CSMD1: variants seen among roughly 807,000 people sequenced by gnomAD.
CSMD1 encodes the protein CUB and sushi domain-containing protein 1.
Under a neutral mutation model 417.5 loss-of-function variants are expected in CSMD1, and 213 were observed. The observed-to-expected ratio is 0.51, with a 90% CI of 0.46 to 0.57. CSMD1 has a LOEUF of 0.57. Ranked by LOEUF, CSMD1 falls within the 20% of genes least tolerant of loss-of-function variation. The pLI, the probability that CSMD1 is intolerant of heterozygous loss-of-function variation, is 0.00. For missense variants in CSMD1, 6,923 were observed against 4,529.7 expected (o/e 1.53, Z -15.17); for synonymous variants, 2,862 against 1,736.8 (o/e 1.65, Z -16.11).
chr8:4,082,228 A>G (rs924863344), intron 3 of CSMD1, among the ~76,000 whole-genome samples: 8 of 152,172 alleles, frequency 5.3e-5, no homozygotes, highest in Non-Finnish European at 1.0e-4. Flanking sequence ...CCACACAGGT[A>G]AAATGGACAA....
chr8:3,716,974 CAAAAAAA>C (rs1797693373), intron 6 of CSMD1, among the ~76,000 whole-genome samples: 1 of 151,788 alleles, frequency 6.6e-6, no homozygotes, highest in African/African-American at 2.4e-5. Context: ...CAATCATTTA[CAAAAAAA>C]TAAAAAATTG....
At chr8:3,287,345 AT>A (rs1803237011) in intron 25 of CSMD1, among the ~76,000 whole-genome samples, 1 of 152,148 alleles carries the variant, frequency 6.6e-6, no homozygotes, top group Admixed American at 6.6e-5. Context: ...GAAGAAAGTC[AT>A]TGGTAACTTG....
chr8:4,785,919 C>T (rs954777970), intron 1 of CSMD1, among the ~76,000 whole-genome samples: 4 of 152,082 alleles, frequency 2.6e-5, no homozygotes, highest in Non-Finnish European at 5.9e-5. Context: ...AAAGACTGAA[C>T]CCTCCTCAGT....
chr8:4,240,711 T>C (rs1802348146), intron 3 of CSMD1, among the ~76,000 whole-genome samples: 1 of 152,210 alleles, frequency 6.6e-6, no homozygotes, highest in Admixed American at 6.5e-5. Context: ...ATTTAAAAAA[T>C]GCAGTTGATG....
chr8:3,393,567 T>A lies in CSMD1; in HGVS notation c.2593+2627A>T, dbSNP rs139691194. Among the ~76,000 whole-genome samples the A allele has an allele frequency of 2.3e-3, 355 of 152,176 alleles. 1 individual carries two copies. Among genetic ancestry groups the A allele is most frequent in the Non-Finnish European group, 4.0e-3 (273 of 68,008 alleles). ...TCATATCCTTCACCCACTTTCACAA[T>A]AGCAAAGACTTGGAAACAACCCAAA... On this transcript the variant is annotated intron_variant, in intron 17 of 69. Transcript: ENST00000635120.
chr8:4,190,514 C>G (rs1367199278), intron 3 of CSMD1, among the ~76,000 whole-genome samples: 2 of 147,652 alleles, frequency 1.4e-5, no homozygotes, highest in East Asian at 2.0e-4. Context: ...ATCAGGAATA[C>G]AAATTAAAAT....
chr8:2,964,386 G>A (rs946382678), intron 59 of CSMD1, among the ~76,000 whole-genome samples: 6 of 152,192 alleles, frequency 3.9e-5, no homozygotes, highest in Non-Finnish European at 8.8e-5. Flanking sequence ...GGAAATGCGT[G>A]TTCTGGCCCA....
chr8:3,307,607 T>C (rs17320161), intron 25 of CSMD1, 88 bp downstream of exon 25: 35,799 of 1,389,214 alleles, frequency 0.026, 532 homozygotes, highest in Middle Eastern at 0.029. Flanking sequence ...ACTTTAACCA[T>C]GGATATTTGG....
At chr8:3,422,167 C>CTGAA (rs1238230593) in intron 12 of CSMD1, among the ~76,000 whole-genome samples, 13 of 152,286 alleles carry the variant, frequency 8.5e-5, no homozygotes, top group African/African-American at 2.9e-4. Flanking sequence ...TCCTTTGAAA[C>CTGAA]TTAGTTTCAC....
In CSMD1 at chr8:3,091,631, G is replaced by C. The variant is rs375955056; in HGVS notation, c.7170C>G (p.Val2390=). ...GSSGQSPLLV[V]LSGNHTEQSN... ...ATTGTTCAGTATGATTCCCACTTAA[G>C]ACTACTAGCAGAGGACTTTGCCCAG... Residue 2390 remains valine (V), a synonymous_variant, in exon 48 of 70, where the codon GTC becomes GTG. Coordinates refer to ENST00000635120, the MANE Select transcript of CSMD1 (RefSeq NM_033225.6). 37 of 1,610,974 alleles carry C rather than the reference G, an allele frequency of 2.3e-5. No homozygotes were observed. Among genetic ancestry groups the C allele is most frequent in the Non-Finnish European group, 2.7e-5 (32 of 1,179,362 alleles).
At chr8:3,885,009 A>G (rs1366985445) in intron 5 of CSMD1, among the ~76,000 whole-genome samples, 1 of 151,538 alleles carries the variant, frequency 6.6e-6, no homozygotes, top group African/African-American at 2.4e-5. Context: ...CAAATGAGTA[A>G]GCTCTGAAAT....
chr8:4,921,314 C>A (rs2117144240), intron 1 of CSMD1, among the ~76,000 whole-genome samples: 1 of 152,228 alleles, frequency 6.6e-6, no homozygotes. Context: ...TTAGGATATA[C>A]TCAGGAAAAT....
chr8:3,105,778 C>A (rs569926521), intron 46 of CSMD1, among the ~76,000 whole-genome samples: 2 of 152,268 alleles, frequency 1.3e-5, no homozygotes, highest in South Asian at 2.1e-4. Flanking sequence ...TCAAAATTTG[C>A]CTTGAAATGC....
rs552431488 is a variant in CSMD1, at chr8:4,038,722, G to A, written c.416-6623C>T. Reference sequence around the variant, plus strand: ...CTTCAAGAAAGCAATACTTATTTAGGTGATGGGAATTCTGCGCCCAATGCA... The same window carrying A: ...CTTCAAGAAAGCAATACTTATTTAGATGATGGGAATTCTGCGCCCAATGCA... On this transcript the variant is annotated intron_variant, in intron 3 of 69. Transcript: ENST00000635120. Among the ~76,000 whole-genome samples, 5 of 152,236 alleles carry A rather than the reference G, an allele frequency of 3.3e-5. No homozygotes were observed. In the South Asian group the frequency reaches 1.0e-3, roughly 32 times the overall value.
intron 2 of CSMD1, among the ~76,000 whole-genome samples, chr8:4,608,052 G>T (rs1406791920): frequency 6.6e-6 from 1 of 152,164 alleles, no homozygotes; most frequent in Non-Finnish European, 1.5e-5. Flanking sequence ...GGGTGTTCCA[G>T]GTGAAGGCCC....
chr8:3,485,560 G>GAGAT lies in CSMD1; in HGVS notation c.1448+8062_1448+8063insATCT, dbSNP rs1554439253. ...ACACAGAGAGAGAGAGAGAGAGAGA[G>GAGAT]AGAGGGAGAGAGAGAAACACAAATG... On this transcript the variant is annotated intron_variant, in intron 11 of 69. Transcript: ENST00000635120. Among the ~76,000 whole-genome samples the GAGAT allele has an allele frequency of 3.9e-3, 588 of 150,310 alleles. 12 individuals are homozygous for GAGAT. Among genetic ancestry groups the GAGAT allele is most frequent in the Admixed American group, 0.036 (548 of 15,048 alleles).
intron 5 of CSMD1, among the ~76,000 whole-genome samples, chr8:3,911,507 A>G (rs2627408): frequency 0.14 from 21,471 of 150,048 alleles, 2,155 homozygotes; most frequent in African/African-American, 0.29. Context: ...CAGCCTGGGC[A>G]ACAGAGCAAG....
At chr8:4,290,159 G>C (rs1206214785) in intron 3 of CSMD1, among the ~76,000 whole-genome samples, 1 of 152,150 alleles carries the variant, frequency 6.6e-6, no homozygotes, top group Non-Finnish European at 1.5e-5. Context: ...ATGCTTCCCA[G>C]GTAAAGCAGA....
intron 1 of CSMD1, among the ~76,000 whole-genome samples, chr8:4,928,491 G>A (rs981628976): frequency 1.4e-4 from 21 of 152,108 alleles, no homozygotes; most frequent in Non-Finnish European, 7.3e-5. Flanking sequence ...ATAATTATGT[G>A]AGCCTGAGCA....
Sources: gnomAD v4.1 joint callset for allele counts (sites outside exome capture counted in the v4.1 genomes callset) on GRCh38, gnomAD v4.1.1 for gene constraint, MANE v1.5 for transcripts, NCBI Gene and HGNC (gene_info 2026-07-23, HGNC 2026-07-21) for gene names.